The following CCDC30 variants were observed in gnomAD, a reference collection of about 807,000 sequenced individuals.
CCDC30 encodes the protein coiled-coil domain containing 30.
CCDC30 carries 70 observed loss-of-function variants against 100.2 expected under a neutral mutation model. The observed-to-expected ratio is 0.70, with a 90% CI of 0.58 to 0.85. The LOEUF (loss-of-function observed/expected upper bound fraction) is 0.85. CCDC30 is among the 40% of genes least tolerant of loss of function. CCDC30 has a pLI of 0.00. For missense variants in CCDC30, 652 were observed against 771.2 expected (o/e 0.85, Z 1.83); for synonymous variants, 233 against 269.5 (o/e 0.86, Z 1.33).
chr1:42,483,957 A>G (rs1644006269), intron 3 of CCDC30, among the ~76,000 whole-genome samples: 1 of 151,974 alleles, frequency 6.6e-6, no homozygotes, highest in Non-Finnish European at 1.5e-5. Flanking sequence ...TCTTTGCTTT[A>G]TCTAGAATTT....
chr1:42,620,951 T>C (rs896637955), intron 11 of CCDC30, among the ~76,000 whole-genome samples: 1 of 152,098 alleles, frequency 6.6e-6, no homozygotes. Flanking sequence ...CCAAACCCAG[T>C]CCTTTTGGGC....
At chr1:42,616,083 T>A (rs1201652904) in intron 11 of CCDC30, among the ~76,000 whole-genome samples, 1 of 152,108 alleles carries the variant, frequency 6.6e-6, no homozygotes, top group Admixed American at 6.5e-5. Flanking sequence ...ACCCAGCTAA[T>A]TTTTTTATTT....
chr1:42,456,115 G>A, the CCDC30 span: 225 of 775,188 alleles, frequency 2.9e-4, no homozygotes, highest in Middle Eastern at 2.5e-3. Context: ...GCAGAGGGCG[G>A]CGGGACGTGA....
At chr1:42,460,336 A>G (rs1410803150), upstream of CCDC30, 3 of 987,368 alleles carry the variant, frequency 3.0e-6, no homozygotes, top group East Asian at 2.2e-4. Context: ...ATGAATAAAC[A>G]TATCTTGTTT....
At chr1:42,528,738 A>G (rs1003070649) in intron 6 of CCDC30, among the ~76,000 whole-genome samples, 4 of 152,192 alleles carry the variant, frequency 2.6e-5, no homozygotes, top group African/African-American at 7.2e-5. Context: ...ACTTTTTTGA[A>G]GGGAGGTATC....
rs1456765796 is a variant in CCDC30 at position 42,556,277 on chromosome 1, GA to G, written c.457-10014del. 2.5e-6 allele frequency: 4 copies of G among 1,613,848 alleles called. No individual in the cohort carries two copies. The African/African-American group carries it at 5.3e-5, about 22-fold the overall frequency. On this transcript the variant is annotated intron_variant, in intron 6 of 16. Transcript: ENST00000668663. The stretch of plus-strand genomic sequence containing the variant: ...ACAGAATCGAGATATGAAAGATGAA[GA>G]AAAAGAACAGCAGTTAACCATGAAG...
chr1:42,605,899 G>A (rs1044589078), intron 10 of CCDC30, among the ~76,000 whole-genome samples: 11 of 152,086 alleles, frequency 7.2e-5, no homozygotes, highest in Admixed American at 3.9e-4. Context: ...TGAACAACAT[G>A]GGTTTGAACT....
Position 42,565,916 on chromosome 1 carries a change from G to GACAC in CCDC30, c.457-362_457-359dup, listed in dbSNP as rs10624633. Among the ~76,000 whole-genome samples the GACAC allele has an allele frequency of 7.4e-3, 1,113 of 149,876 alleles. 12 individuals carry two copies. The highest frequency in any genetic ancestry group is 0.026 in the East Asian group (134 of 5,094). ...TCTTTTTGCCAACAGACACCACACA[G>GACAC]ACACACACACACACACACACATTCA... On this transcript the variant is annotated intron_variant, in intron 6 of 16. Transcript: ENST00000668663.
chr1:42,492,225 A>G, intron 4 of CCDC30: 1 of 217,216 alleles, frequency 4.6e-6, no homozygotes, highest in Non-Finnish European at 9.4e-6. Flanking sequence ...TCCAGAAGAA[A>G]ATGATGGAAA....
chr1:42,521,903 T>C (rs1644653807), intron 6 of CCDC30, among the ~76,000 whole-genome samples: 1 of 152,036 alleles, frequency 6.6e-6, no homozygotes, highest in South Asian at 2.1e-4. Flanking sequence ...ACTATTTGCA[T>C]GAAATGTCTT....
At chr1:42,611,988 C>T (rs543316450) in intron 11 of CCDC30, among the ~76,000 whole-genome samples, 2 of 152,200 alleles carry the variant, frequency 1.3e-5, no homozygotes, top group East Asian at 1.9e-4. Flanking sequence ...ATTTATGGCA[C>T]ACCTCTCAGT....
At chr1:42,469,207 C>T (rs750093374) in intron 1 of CCDC30, among the ~76,000 whole-genome samples, 6 of 151,968 alleles carry the variant, frequency 3.9e-5, no homozygotes, top group Admixed American at 6.6e-5. Flanking sequence ...ATAAGACCCT[C>T]GTCTCTAAAA....
At position 42,502,186 on chromosome 1, in the gene CCDC30, C is replaced by A. The variant is rs528137890; in HGVS notation, c.456+3270C>A. On this transcript the variant is annotated intron_variant, in intron 6 of 16. Transcript: ENST00000668663. ...CACCCCTCCCCAAGCCTCACTGCTG[C>A]CTTGCAGTTCGATCTCAGACTGCTG... is the stretch of plus-strand genomic sequence containing the variant. 4.4e-3 allele frequency among the ~76,000 whole-genome samples: 665 copies of A among 152,306 alleles called. 1 individual carries two copies. The highest frequency in any genetic ancestry group is 7.0e-3 in the Non-Finnish European group (477 of 68,032).
chr1:42,465,525 C>G (rs1056302460), intron 1 of CCDC30, among the ~76,000 whole-genome samples: 1 of 152,060 alleles, frequency 6.6e-6, no homozygotes, highest in Non-Finnish European at 1.5e-5. Context: ...CCACCACACC[C>G]TGCTAATTTT....
chr1:42,573,574 TTTCA>T, intron 7 of CCDC30, among the ~76,000 whole-genome samples: 1 of 152,188 alleles, frequency 6.6e-6, no homozygotes, highest in East Asian at 1.9e-4. Context: ...ATGTTAAACC[TTTCA>T]TTCTTTTTTC....
chr1:42,475,764 AATCAGT>A (rs1328223034), intron 1 of CCDC30, among the ~76,000 whole-genome samples: 2 of 152,126 alleles, frequency 1.3e-5, no homozygotes, highest in Non-Finnish European at 2.9e-5. Context: ...ACTATATTAT[AATCAGT>A]ATCAGCTCCT....
At chr1:42,555,006 A>C (rs1418287908) in intron 6 of CCDC30, among the ~76,000 whole-genome samples, 1 of 152,124 alleles carries the variant, frequency 6.6e-6, no homozygotes, top group East Asian at 1.9e-4. Flanking sequence ...CCATTTCCCA[A>C]GTCAGAAATC....
chr1:42,626,969 C>G (rs1646945110), intron 11 of CCDC30, among the ~76,000 whole-genome samples: 2 of 152,052 alleles, frequency 1.3e-5, no homozygotes. Flanking sequence ...AAAAAATACC[C>G]AAAAATTTGG....
rs577602265 is a variant in CCDC30 at position 42,568,429 on chromosome 1, CT to C, written c.636+1956del. On this transcript the variant is annotated intron_variant, in intron 7 of 16. Transcript: ENST00000668663. The stretch of plus-strand genomic sequence containing the variant: ...CGGGCACTGCCTGTCTACTTTATCT[CT>C]TACGAACAGCCTCACAACCCTAAAG... 3.9e-5 allele frequency among the ~76,000 whole-genome samples: 6 copies of C among 152,250 alleles called. No individual in the cohort carries two copies. The South Asian group carries it at 1.2e-3, about 32-fold the overall frequency.
Sources: allele counts gnomAD v4.1 joint callset (sites outside exome capture counted in the v4.1 genomes callset), GRCh38; gene constraint gnomAD v4.1.1; transcripts MANE v1.5; gene names NCBI Gene and HGNC (gene_info 2026-07-23, HGNC 2026-07-21).